The following ATP8A1 variants were observed in gnomAD, a reference collection of about 807,000 sequenced individuals.
The protein encoded by ATP8A1 is ATPase phospholipid transporting 8A1, also known as phospholipid-transporting ATPase IA.
In ATP8A1, 90 loss-of-function variants were observed where a neutral mutation model predicts 177.7. The observed-to-expected ratio is 0.51, with a 90% CI of 0.43 to 0.60. The LOEUF (loss-of-function observed/expected upper bound fraction) is 0.60, where lower values mean the gene tolerates loss of function less well. Ranked by LOEUF, ATP8A1 falls within the 20% of genes least tolerant of loss-of-function variation. ATP8A1 has a pLI of 0.00. For missense variants in ATP8A1, 1,072 were observed against 1,392.8 expected (o/e 0.77, Z 3.67); for synonymous variants, 493 against 485.9 (o/e 1.01, Z -0.19).
chr4:42,612,640 A>G (rs1047823739), intron 5 of ATP8A1, among the ~76,000 whole-genome samples: 10 of 151,776 alleles, frequency 6.6e-5, no homozygotes, highest in Non-Finnish European at 1.5e-4. Flanking sequence ...ACCAGCTTAT[A>G]TATCTCTGGG....
At chr4:42,602,582 G>T (rs1332522456) in intron 5 of ATP8A1, among the ~76,000 whole-genome samples, 1 of 152,048 alleles carries the variant, frequency 6.6e-6, no homozygotes, top group Non-Finnish European at 1.5e-5. Flanking sequence ...TGGCCAACAT[G>T]GTGAAACCCT....
rs1249517491 is a variant in ATP8A1 at position 42,586,473 on chromosome 4, A to C, written c.598T>G (p.Leu200Val). Reference sequence around the variant, plus strand: ...TCTTTGATATCTGATGTTGCTGGTAAGCCCTGTTTGGAATTTTTAAATAAG... The same window carrying C: ...TCTTTGATATCTGATGTTGCTGGTACGCCCTGTTTGGAATTTTTAAATAAG... ...GETNLKIRQG[L>V]PATSDIKDVD... The change falls in exon 9 of 37, where the codon TTA (leucine) becomes GTA (valine). Residue 200 changes from leucine to valine, a missense_variant. Transcript: ENST00000381668. 6.2e-7 allele frequency: 1 copy of C among 1,613,416 alleles called. No individual in the cohort carries two copies. Among genetic ancestry groups the C allele is most frequent in the Admixed American group, 1.7e-5 (1 of 59,876 alleles).
At chr4:42,646,544 T>C in intron 1 of ATP8A1, among the ~76,000 whole-genome samples, 1 of 152,148 alleles carries the variant, frequency 6.6e-6, no homozygotes, top group Admixed American at 6.5e-5. Flanking sequence ...GCTGAACTGG[T>C]GTAGGCTGGC....
intron 23 of ATP8A1, among the ~76,000 whole-genome samples, chr4:42,504,836 C>T (rs1273352069): frequency 6.6e-6 from 1 of 152,250 alleles, no homozygotes; most frequent in African/African-American, 2.4e-5. Flanking sequence ...TGGGAGGCCC[C>T]GTCCACCCTG....
chr4:42,532,112 A>T (rs982303486), intron 20 of ATP8A1, among the ~76,000 whole-genome samples: 1 of 151,970 alleles, frequency 6.6e-6, no homozygotes, highest in African/African-American at 2.4e-5. Flanking sequence ...AAAAAAATAC[A>T]CACACACACA....
At chr4:42,656,523 G>C (rs1741640183) in intron 1 of ATP8A1, among the ~76,000 whole-genome samples, 1 of 152,132 alleles carries the variant, frequency 6.6e-6, no homozygotes, top group South Asian at 2.1e-4. Flanking sequence ...TCGAACTGGT[G>C]GGGAGGGAGG....
intron 20 of ATP8A1, among the ~76,000 whole-genome samples, chr4:42,532,719 G>A (rs1727399827): frequency 2.0e-5 from 3 of 152,198 alleles, no homozygotes; most frequent in African/African-American, 7.2e-5. Flanking sequence ...TCAGGCCTCT[G>A]AGCCCAAGCT....
intron 25 of ATP8A1, among the ~76,000 whole-genome samples, chr4:42,482,334 C>CAAAA (rs11445014): frequency 2.1e-4 from 30 of 145,092 alleles, no homozygotes; most frequent in African/African-American, 7.3e-4. Flanking sequence ...AACAAACAAA[C>CAAAA]AAAAAAAAAA....
chr4:42,508,941 G>C (rs991011892), intron 22 of ATP8A1, among the ~76,000 whole-genome samples: 1 of 152,216 alleles, frequency 6.6e-6, no homozygotes, highest in Non-Finnish European at 1.5e-5. Flanking sequence ...GCTTAGGCAT[G>C]AACAATAAAG....
intron 32 of ATP8A1, among the ~76,000 whole-genome samples, chr4:42,444,275 G>T (rs1454139874): frequency 6.6e-6 from 1 of 152,188 alleles, no homozygotes; most frequent in African/African-American, 2.4e-5. Context: ...TCTAAGAAAA[G>T]ACTTGTAATC....
rs1426112370 is a variant in ATP8A1 at position 42,586,873 on chromosome 4, T to C, written c.595-397A>G. Among the ~76,000 whole-genome samples, 3 of 152,176 alleles carry C rather than the reference T, an allele frequency of 2.0e-5. No homozygotes were observed. The East Asian group carries it at 5.8e-4, about 29-fold the overall frequency. On this transcript the variant is annotated intron_variant, in intron 8 of 36. Coordinates refer to ENST00000381668, the MANE Select transcript of ATP8A1 (RefSeq NM_006095.2). ...TCTGTGTTCAAAGAACATAGCTTTG[T>C]TTCTCTTTTTTTATTCCAGAGAAGG...
chr4:42,417,743 T>C (rs142371873), intron 35 of ATP8A1, among the ~76,000 whole-genome samples: 11 of 152,172 alleles, frequency 7.2e-5, no homozygotes, highest in Non-Finnish European at 1.2e-4. Context: ...GTTGACTCAT[T>C]AAAATAAATC....
intron 31 of ATP8A1, among the ~76,000 whole-genome samples, chr4:42,444,842 A>G (rs1405159557): frequency 3.3e-5 from 5 of 152,182 alleles, no homozygotes; most frequent in Non-Finnish European, 7.3e-5. Flanking sequence ...CCAGGGCAGC[A>G]CTGCACTTCC....
intron 14 of ATP8A1, 47 bp from the exon 15 acceptor site, chr4:42,569,252 A>G: frequency 7.3e-6 from 11 of 1,508,164 alleles, no homozygotes; most frequent in Non-Finnish European, 1.0e-5. Flanking sequence ...AAATAATCAC[A>G]GAAAGGCTGG....
intron 25 of ATP8A1, among the ~76,000 whole-genome samples, chr4:42,481,320 G>A (rs1721645375): frequency 1.3e-5 from 2 of 152,168 alleles, no homozygotes; most frequent in African/African-American, 4.8e-5. Flanking sequence ...CAGGAAGGGG[G>A]CATGTGTGTA....
intron 22 of ATP8A1, among the ~76,000 whole-genome samples, chr4:42,520,502 C>A (rs560398958): frequency 1.3e-5 from 2 of 151,794 alleles, no homozygotes; most frequent in Admixed American, 6.6e-5. Context: ...TACATAAATG[C>A]CCCAAAGACA....
intron 36 of ATP8A1, 97 bp from the exon 37 acceptor site, chr4:42,413,110 T>C: frequency 2.2e-6 from 2 of 906,660 alleles, no homozygotes; most frequent in African/African-American, 1.6e-5. Flanking sequence ...GGGGAACAAA[T>C]GCAGCCTTCC....
chr4:42,512,737 G>C (rs1436032069), intron 22 of ATP8A1, among the ~76,000 whole-genome samples: 1 of 152,072 alleles, frequency 6.6e-6, no homozygotes, highest in Non-Finnish European at 1.5e-5. Context: ...AATCACCCGA[G>C]GAGCTTATTA....
At chr4:42,527,213 G>T (rs1175746271) in intron 20 of ATP8A1, among the ~76,000 whole-genome samples, 1 of 152,166 alleles carries the variant, frequency 6.6e-6, no homozygotes, top group East Asian at 1.9e-4. Flanking sequence ...AGCTGAAATT[G>T]TGGAAAAACA....
Sources: gnomAD v4.1 joint callset for allele counts (sites outside exome capture counted in the v4.1 genomes callset) on GRCh38, gnomAD v4.1.1 for gene constraint, MANE v1.5 for transcripts, NCBI Gene and HGNC (gene_info 2026-07-23, HGNC 2026-07-21) for gene names.